SPTBN5: variants seen among roughly 807,000 people sequenced by gnomAD.
SPTBN5 encodes the protein spectrin beta, non-erythrocytic 5.
In SPTBN5, 513 loss-of-function variants were observed where a neutral mutation model predicts 477.6. The ratio of observed to expected loss-of-function variants is 1.07; its 90% CI spans 1.00 to 1.16. The LOEUF is 1.16. Among genes scored for constraint, SPTBN5 ranks in the 50% most tolerant of loss-of-function variants. The pLI is 0.00. For synonymous variants in SPTBN5, 2,169 were observed against 2,011.7 expected (o/e 1.08, Z -2.09); for missense variants, 5,062 against 4,731.8 (o/e 1.07, Z -2.05).
In SPTBN5 at chr15:41,867,535, T is replaced by C. The variant is rs746548211; in HGVS notation, c.6312+3A>G. On this transcript the variant is annotated splice_donor_region_variant and intron_variant, in intron 35 of 67. Transcript: ENST00000320955. ...CCACGCCCAGGCCTCCTGACTCCATTACCTTCTTGTCCTGGGCAGTCAGAA... is the reference window on the plus strand; with the variant it reads ...CCACGCCCAGGCCTCCTGACTCCATCACCTTCTTGTCCTGGGCAGTCAGAA... 1.2e-6 allele frequency: 2 copies of C among 1,613,310 alleles called. No individual in the cohort carries two copies. Among genetic ancestry groups the C allele is most frequent in the Non-Finnish European group, 8.5e-7 (1 of 1,179,592 alleles).
At position 41,860,855 on chromosome 15, in the gene SPTBN5, T is replaced by C. The variant is rs926468270; in HGVS notation, c.7816-97A>G. 9.7e-6 allele frequency: 12 copies of C among 1,235,256 alleles called. No homozygotes were observed. The Admixed American group carries it at 3.9e-4, about 41-fold the overall frequency. 76.5% of individuals were successfully genotyped at this position (1,235,256 alleles called of 1,614,324 possible). A position where few individuals can be genotyped will look rare whatever the true frequency, so the allele number is the denominator to read the frequency against. On this transcript the variant is annotated intron_variant, in intron 46 of 67. Transcript: ENST00000320955. ...CTAGAACCATCCTACCAAATGCTCA[T>C]CCACAGAGCGGCTGCTCCGCCCAAA...
Position 41,876,292 on chromosome 15 carries a change from G to C in SPTBN5, c.3952-8C>G. 1 of 1,546,672 alleles carries C rather than the reference G, an allele frequency of 6.5e-7. No individual in the cohort carries two copies. Among genetic ancestry groups the C allele is most frequent in the Middle Eastern group, 1.7e-4 (1 of 5,946 alleles). ...CACATCCTGCTTCCACTCCTGCCAA[G>C]AACCAGGCGAGAGTGGGTCTCAGAG... is the stretch of plus-strand genomic sequence containing the variant. On this transcript the variant is annotated splice_region_variant and splice_polypyrimidine_tract_variant and intron_variant, in intron 20 of 67. Transcript: ENST00000320955.
Position 41,885,802 on chromosome 15 carries a change from C to T in SPTBN5, c.1453G>A (p.Ala485Thr). ...GILPQEGRFQ[A>T]LAEIADILRQ... Reference sequence around the variant, plus strand: ...AGGATGTCTGCGATCTCAGCCAGGGCCTGGAAGCGCCCCTCCTGGGGCAGG... The same window carrying T: ...AGGATGTCTGCGATCTCAGCCAGGGTCTGGAAGCGCCCCTCCTGGGGCAGG... The change falls in exon 7 of 68, where the codon GCC (alanine) becomes ACC (threonine). Residue 485 changes from alanine (A) to threonine (T), a missense_variant. By Grantham distance (58) the Ala-to-Thr change is moderately conservative (BLOSUM62 0). Transcript: ENST00000320955. 1 of 1,557,998 alleles carries T rather than the reference C, an allele frequency of 6.4e-7. No homozygotes were observed. Among genetic ancestry groups the T allele is most frequent in the Non-Finnish European group, 8.7e-7 (1 of 1,151,034 alleles).
Position 41,862,124 on chromosome 15 carries a change from A to G in SPTBN5, c.7548+6T>C. On this transcript the variant is annotated splice_donor_region_variant and intron_variant, in intron 44 of 67. Transcript: ENST00000320955. ...TGGGAAAGGCTTGGGCCAGCTGCCC[A>G]TTCACCTTGCACTCCTGATGCTCTT... 6.4e-7 allele frequency: 1 copy of G among 1,559,934 alleles called. No individual in the cohort carries two copies. Among genetic ancestry groups the G allele is most frequent in the Non-Finnish European group, 8.7e-7 (1 of 1,149,270 alleles).
Position 41,874,959 on chromosome 15 carries a change from T to C in SPTBN5, c.4385A>G (p.Gln1462Arg), listed in dbSNP as rs761824325. The C allele has an allele frequency of 6.2e-6, 10 of 1,613,692 alleles. No individual in the cohort carries two copies. Among genetic ancestry groups the C allele is most frequent in the Non-Finnish European group, 7.6e-6 (9 of 1,179,880 alleles). Residue 1462 changes from glutamine (Q) to arginine (R), a missense_variant, in exon 23 of 68, where the codon CAA becomes CGA. Physicochemically the swap from Gln to Arg is conservative, Grantham distance 43 (BLOSUM62 1). Transcript: ENST00000320955. ...GGTCCGGCTCTCACTCTCCAGCTGT[T>C]GGTGCCGTTTCTGCAGCCTCTGGCT... Reference protein sequence around the residue: ...RSSQRLQKRHQQLESESRTLA... With the variant: ...RSSQRLQKRHRQLESESRTLA...
At chr15:41,868,377 G>A in intron 33 of SPTBN5, 21 bp downstream of exon 33, 1 of 1,589,810 alleles carries the variant, frequency 6.3e-7, no homozygotes. Flanking sequence ...GTATGTGGGG[G>A]CACCAGGGGA....
chr15:41,882,229 CGG>C, intron 11 of SPTBN5, 38 bp downstream of exon 11: 1 of 1,263,850 alleles, frequency 7.9e-7, no homozygotes, highest in Non-Finnish European at 1.1e-6. Flanking sequence ...CCCGCCTCGC[CGG>C]GCCCCGCCCC....
In SPTBN5 at chr15:41,852,314, C is replaced by A; in HGVS notation, c.10452G>T (p.Met3484Ile). 1.9e-6 allele frequency: 3 copies of A among 1,578,928 alleles called. No homozygotes were observed. The highest frequency in any genetic ancestry group is 1.1e-5 in the South Asian group (1 of 87,482). Residue 3484 changes from methionine to isoleucine, a missense_variant and splice_region_variant, in exon 62 of 68, where the codon ATG (methionine) becomes ATT (isoleucine). Transcript: ENST00000320955. ...EKFAQMQKTE[M>I]EQELLLQPQE... Reference sequence around the variant, plus strand: ...GTGGCTGCAGCAGGAGCTCCTGTTCCATCTTGGGGAGTGGGCAAGGTGGGC... The same window carrying A: ...GTGGCTGCAGCAGGAGCTCCTGTTCAATCTTGGGGAGTGGGCAAGGTGGGC...
rs1336462458 is a variant in SPTBN5 at position 41,880,174 on chromosome 15, G to T, written c.2797C>A (p.Gln933Lys). 1.2e-6 allele frequency: 2 copies of T among 1,601,208 alleles called. No homozygotes were observed. The highest frequency in any genetic ancestry group is 1.7e-5 in the Admixed American group (1 of 57,600). Residue 933 changes from glutamine (Q) to lysine (K), a missense_variant, in exon 14 of 68, where the codon CAG becomes AAG. Transcript: ENST00000320955. ...QPQADTLEVM[Q>K]LKYENFLTAL... ...CAGGGCTGTACCTCATATTTGAGCT[G>T]CATGACCTCCAGGGTGTCAGCCTGG...
chr15:41,877,394 G>A (rs1237291906), intron 17 of SPTBN5, 38 bp from the exon 18 acceptor site: 1 of 1,587,606 alleles, frequency 6.3e-7, no homozygotes, highest in African/African-American at 1.3e-5. Flanking sequence ...AACCCCAGCA[G>A]GCTCCCTCGT....
intron 55 of SPTBN5, 39 bp downstream of exon 55, chr15:41,855,185 C>T: frequency 6.3e-7 from 1 of 1,579,982 alleles, no homozygotes; most frequent in Non-Finnish European, 8.6e-7. Flanking sequence ...TCCTCAGCCT[C>T]TGCCCACTCC....
Position 41,853,823 on chromosome 15 carries a change from C to G in SPTBN5, c.9775-36G>C, listed in dbSNP as rs563567553. On this transcript the variant is annotated intron_variant, in intron 57 of 67. Transcript: ENST00000320955. ...AGCATGAGATCAGGCCTCAGTCCCC[C>G]CACTGAGCCGATGCGTGCTCTGCAT... 188 of 1,515,900 alleles carry G rather than the reference C, an allele frequency of 1.2e-4. No homozygotes were observed. In the African/African-American group the frequency reaches 1.8e-3, roughly 15 times the overall value. 93.9% of individuals were successfully genotyped at this position (1,515,900 alleles called of 1,614,324 possible).
rs1185789436 is a variant in SPTBN5, at chr15:41,861,898, C to T, written c.7574G>A (p.Ser2525Asn). Residue 2525 changes from serine to asparagine, a missense_variant, in exon 45 of 68, where the codon AGC becomes AAC. Coordinates refer to ENST00000320955, the MANE Select transcript of SPTBN5 (RefSeq NM_016642.4). Reference protein sequence around the residue: ...CKAELDSWTDSISLARSTGQQ... With the variant: ...CKAELDSWTDNISLARSTGQQ... Reference sequence around the variant, plus strand: ...CCCAGTGCTTCGGGCCAGGCTGATGCTGTCTGTCCAGGAGTCCAGCTCGGC... The same window carrying T: ...CCCAGTGCTTCGGGCCAGGCTGATGTTGTCTGTCCAGGAGTCCAGCTCGGC... The T allele has an allele frequency of 1.9e-6, 3 of 1,606,776 alleles. No homozygotes were observed. The highest frequency in any genetic ancestry group is 2.5e-6 in the Non-Finnish European group (3 of 1,179,050).
In SPTBN5 at chr15:41,868,540, G is replaced by A. The variant is rs971512958; in HGVS notation, c.5915C>T (p.Ser1972Leu). The change falls in exon 33 of 68, where the codon TCG becomes TTG. Residue 1972 changes from serine to leucine, a missense_variant. Transcript: ENST00000320955. Reference sequence around the variant, plus strand: ...CAGCGGGCCACTGCTAGGCTCTTGCGAACTCTCCTCCACCTGCAGGTCCTG... The same window carrying A: ...CAGCGGGCCACTGCTAGGCTCTTGCAAACTCTCCTCCACCTGCAGGTCCTG... ...VRQDLQVEES[S>L]QEPSSGPLKL... 2.5e-6 allele frequency: 4 copies of A among 1,606,322 alleles called. No individual in the cohort carries two copies. Among genetic ancestry groups the A allele is most frequent in the African/African-American group, 2.7e-5 (2 of 75,046 alleles).
In SPTBN5 at chr15:41,874,900, C is replaced by T; in HGVS notation, c.4444G>A (p.Ala1482Thr). The change falls in exon 23 of 68, where the codon GCC becomes ACC. Residue 1482 changes from alanine (A) to threonine (T), a missense_variant. Transcript: ENST00000320955. ...GCCGGGGAGGCGGCCATGCCATGGG[C>T]CATGGAGGCGAGGGCAGCCATCTTG... ...AAKMAALASMAHGMAASPAIL... is the reference protein window; with the variant it reads ...AAKMAALASMTHGMAASPAIL... 1 of 1,613,108 alleles carries T rather than the reference C, an allele frequency of 6.2e-7. No homozygotes were observed. The highest frequency in any genetic ancestry group is 8.5e-7 in the Non-Finnish European group (1 of 1,179,750).
At chr15:41,850,739 G>A (rs1201735610) in intron 66 of SPTBN5, 115 bp downstream of exon 66, 3 of 884,742 alleles carry the variant, frequency 3.4e-6, no homozygotes, top group Non-Finnish European at 3.4e-6. Flanking sequence ...CCACTTCTTG[G>A]AGGTTAGAGA....
intron 7 of SPTBN5, 118 bp downstream of exon 7, chr15:41,885,617 G>A: frequency 7.9e-7 from 1 of 1,261,696 alleles, no homozygotes; most frequent in South Asian, 1.5e-5. Context: ...AGGGATCCCT[G>A]AACCCATAAA....
In SPTBN5 at chr15:41,879,758, C is replaced by T. The variant is rs376555573; in HGVS notation, c.2918G>A (p.Arg973Gln). Residue 973 changes from arginine to glutamine, a missense_variant, in exon 15 of 68, where the codon CGA becomes CAA. By Grantham distance (43) the Arg-to-Gln change is conservative (BLOSUM62 1). Transcript: ENST00000320955. The stretch of plus-strand genomic sequence containing the variant: ...CCTCTGGCTCAGTTCCTCCTGCTGT[C>T]GTTGGATTTGTGTGGAGTTCCCAGG... ...RYPGNSTQIQRQQEELSQRWG... is the reference protein window; with the variant it reads ...RYPGNSTQIQQQQEELSQRWG... 18 of 1,613,952 alleles carry T rather than the reference C, an allele frequency of 1.1e-5. No homozygotes were observed. Among genetic ancestry groups the T allele is most frequent in the East Asian group, 2.2e-5 (1 of 44,890 alleles).
intron 32 of SPTBN5, 36 bp downstream of exon 32, chr15:41,869,805 G>GCA (rs751727427): frequency 2.6e-5 from 40 of 1,510,694 alleles, no homozygotes; most frequent in South Asian, 2.6e-4. Context: ...ACACACACAT[G>GCA]CACACACACA....
Sources: gnomAD v4.1 joint callset for allele counts on GRCh38, gnomAD v4.1.1 for gene constraint, MANE v1.5 for transcripts, NCBI Gene and HGNC (gene_info 2026-07-23, HGNC 2026-07-21) for gene names.